MRPS5: variants seen among roughly 807,000 people sequenced by gnomAD.
MRPS5 encodes mitochondrial ribosomal protein S5, also known as small ribosomal subunit protein uS5m.
In MRPS5, 27 loss-of-function variants were observed where a neutral mutation model predicts 51.9. The observed-to-expected ratio is 0.52, with a 90% CI of 0.38 to 0.72. MRPS5 has a LOEUF of 0.72. Among genes scored for constraint, MRPS5 ranks in the 30% least tolerant of loss-of-function variants. The pLI, the probability that MRPS5 is intolerant of heterozygous loss-of-function variation, is 0.00. For missense variants in MRPS5, 570 were observed against 545.7 expected, an observed-to-expected ratio of 1.04 and a Z score of -0.44; for synonymous variants, 196 against 193.2, an observed-to-expected ratio of 1.01 and a Z score of -0.12.
chr2:95,109,936 C>G lies in MRPS5; in HGVS notation c.383G>C (p.Arg128Thr), dbSNP rs1269850315. The G allele has an allele frequency of 2.0e-5, 33 of 1,613,218 alleles. No homozygotes were observed. The highest frequency in any genetic ancestry group is 2.6e-5 in the Non-Finnish European group (31 of 1,179,936). Residue 128 changes from arginine to threonine, a missense_variant, in exon 4 of 12, where the codon AGG (arginine) becomes ACG (threonine). Arg to Thr is a moderately conservative substitution (Grantham distance 71). Transcript: ENST00000272418. ...TTTACCTTCACCAATGATCTGACCC[C>G]TGTTCAGATCCTTTCTTTTCTTCTT... ...TKKKKRKDLN[R>T]GQIIGEGRYG...
At chr2:95,112,285 C>T (rs1461594570) in intron 3 of MRPS5, among the ~76,000 whole-genome samples, 3 of 152,006 alleles carry the variant, frequency 2.0e-5, no homozygotes, top group Non-Finnish European at 2.9e-5. Flanking sequence ...GACTGGTCTC[C>T]AACTCCTGAC....
At chr2:95,120,901 C>A (rs912589684) in intron 1 of MRPS5, among the ~76,000 whole-genome samples, 2 of 152,052 alleles carry the variant, frequency 1.3e-5, no homozygotes, top group East Asian at 3.9e-4. Context: ...GGGTGGATCA[C>A]GAGGTCAGGA....
In MRPS5 at chr2:95,090,526, G is replaced by A. The variant is rs36100346; in HGVS notation, c.932-4C>T. 4 of 1,613,962 alleles carry A rather than the reference G, an allele frequency of 2.5e-6. No homozygotes were observed. The highest frequency in any genetic ancestry group is 3.4e-6 in the Non-Finnish European group (4 of 1,179,916). The stretch of plus-strand genomic sequence containing the variant: ...CTGTGGCAGCGGAGGCCGTAACCTA[G>A]AAAAGGAGAAACCGGGTGAAACACA... On this transcript the variant is annotated splice_polypyrimidine_tract_variant and splice_region_variant and intron_variant, in intron 10 of 11. Coordinates refer to ENST00000272418, the MANE Select transcript of MRPS5 (RefSeq NM_031902.5).
At chr2:95,117,149 A>G (rs1676309080) in intron 2 of MRPS5, among the ~76,000 whole-genome samples, 1 of 151,606 alleles carries the variant, frequency 6.6e-6, no homozygotes, top group East Asian at 1.9e-4. Context: ...TCAAAAAGAA[A>G]AAAAAAAAAA....
chr2:95,111,822 AC>A (rs1303740227), intron 3 of MRPS5, among the ~76,000 whole-genome samples: 5 of 152,184 alleles, frequency 3.3e-5, no homozygotes, highest in African/African-American at 4.8e-5. Context: ...ATTTAATATT[AC>A]ATTGTGAGTC....
chr2:95,109,868 G>A (rs747007349), intron 4 of MRPS5, 48 bp downstream of exon 4: 3 of 1,578,538 alleles, frequency 1.9e-6, no homozygotes, highest in Non-Finnish European at 2.6e-6. Flanking sequence ...TAAAATCTGG[G>A]GTAAGAAACT....
intron 6 of MRPS5, among the ~76,000 whole-genome samples, chr2:95,105,762 A>G (rs1675930918): frequency 2.0e-5 from 3 of 152,216 alleles, no homozygotes; most frequent in Admixed American, 6.5e-5. Context: ...TACCAAAGAC[A>G]TAATATGTGT....
Position 95,090,471 on chromosome 2 carries a change from C to A in MRPS5, c.983G>T (p.Gly328Val). ...RAIITICRLIGIKDMYAKVSG... is the reference protein window; with the variant it reads ...RAIITICRLIVIKDMYAKVSG... ...GACCTTGGCATACATGTCTTTGATGCCAATGAGCCGGCAGATGGTGATGAT... is the reference window on the plus strand; with the variant it reads ...GACCTTGGCATACATGTCTTTGATGACAATGAGCCGGCAGATGGTGATGAT... Residue 328 changes from glycine (G) to valine (V), a missense_variant, in exon 11 of 12, where the codon GGC becomes GTC. By Grantham distance (109) the Gly-to-Val change is moderately radical. Transcript: ENST00000272418. The A allele has an allele frequency of 6.2e-7, 1 of 1,614,128 alleles. No homozygotes were observed.
intron 10 of MRPS5, chr2:95,093,436 C>G (rs1675528737): frequency 6.6e-6 from 1 of 152,302 alleles, no homozygotes; most frequent in Non-Finnish European, 1.5e-5. Flanking sequence ...TGTAGCCTAA[C>G]TGGGAGACAC....
At chr2:95,106,556 G>T in intron 5 of MRPS5, 99 bp from the exon 6 acceptor site, 1 of 1,003,130 alleles carries the variant, frequency 1.0e-6, no homozygotes, top group Non-Finnish European at 1.6e-6. Context: ...CTTTCGGGGA[G>T]AAAGAATCTC....
Position 95,100,506 on chromosome 2 carries a change from C to A in MRPS5, c.899G>T (p.Arg300Met). The A allele has an allele frequency of 6.2e-7, 1 of 1,608,278 alleles. No homozygotes were observed. The highest frequency in any genetic ancestry group is 8.5e-7 in the Non-Finnish European group (1 of 1,175,030). The stretch of plus-strand genomic sequence containing the variant: ...TTGTTTCTTCATCTTGATATGCGTC[C>A]TTTTAAATCTTAATGAAATATCATG... The part of the protein sequence containing the change: ...IFHDISLRFK[R>M]THIKMKKQPK... The change falls in exon 10 of 12, where the codon AGG becomes ATG. Residue 300 changes from arginine (R) to methionine (M), a missense_variant. Physicochemically the swap from Arg to Met is moderately conservative, Grantham distance 91 (BLOSUM62 -1). Transcript: ENST00000272418.
intron 11 of MRPS5, among the ~76,000 whole-genome samples, chr2:95,089,505 A>T (rs1009048118): frequency 6.6e-6 from 1 of 152,182 alleles, no homozygotes; most frequent in Admixed American, 6.5e-5. Context: ...GCTGCCCAAG[A>T]ATGGGGGCCC....
At position 95,121,749 on chromosome 2, in the gene MRPS5, A is replaced by G. The variant is rs1185064487; in HGVS notation, c.43T>C (p.Cys15Arg). ...CAGCTCTCACCTGCCGTCCCGCTAC[A>G]CAGCACGGGGAGGCAGCCCACAGCG... ...VRAVGCLPVL[C>R]SGTAGHLLGR... Residue 15 changes from cysteine to arginine, a missense_variant, in exon 1 of 12, where the codon TGT becomes CGT. Transcript: ENST00000272418. 8.4e-6 allele frequency: 13 copies of G among 1,553,004 alleles called. No individual in the cohort carries two copies. Among genetic ancestry groups the G allele is most frequent in the Middle Eastern group, 1.9e-4 (1 of 5,280 alleles).
chr2:95,094,307 T>C (rs1163837637), intron 10 of MRPS5, among the ~76,000 whole-genome samples: 1 of 152,130 alleles, frequency 6.6e-6, no homozygotes, highest in Admixed American at 6.5e-5. Flanking sequence ...TCGAAAACAC[T>C]CTTCAGGATA....
At chr2:95,121,993 C>G (rs1410203940), upstream of MRPS5, 1 of 553,282 alleles carries the variant, frequency 1.8e-6, no homozygotes, top group Admixed American at 4.4e-5. Flanking sequence ...CGGACAGCCC[C>G]GCGGGCGCCT....
In MRPS5 at chr2:95,115,162, C is replaced by T. The variant is rs186030997; in HGVS notation, c.181G>A (p.Ala61Thr). The change falls in exon 3 of 12, where the codon GCC (alanine) becomes ACC (threonine). Residue 61 changes from alanine (A) to threonine (T), a missense_variant. By Grantham distance (58) the Ala-to-Thr change is moderately conservative. Transcript: ENST00000272418. The stretch of plus-strand genomic sequence containing the variant: ...GTCTGCAGTGCACGGCTCAAGCTGG[C>T]GTAGGGATGGGTGTCTCTGGTTCCC... ...SLGTRDTHPY[A>T]SLSRALQTQC... 6 of 1,609,930 alleles carry T rather than the reference C, an allele frequency of 3.7e-6. No homozygotes were observed. The highest frequency in any genetic ancestry group is 4.5e-5 in the East Asian group (2 of 44,806).
chr2:95,098,629 C>A (rs916930345), intron 10 of MRPS5, among the ~76,000 whole-genome samples: 2 of 152,004 alleles, frequency 1.3e-5, no homozygotes, highest in Admixed American at 1.3e-4. Context: ...TAGGTGGGAA[C>A]TGAACAATGA....
chr2:95,093,462 G>C (rs963303220), intron 10 of MRPS5: 1 of 152,210 alleles, frequency 6.6e-6, no homozygotes, highest in African/African-American at 2.4e-5. Flanking sequence ...ACTAGGGACC[G>C]ACCGACACCT....
intron 3 of MRPS5, among the ~76,000 whole-genome samples, chr2:95,113,148 A>G (rs1676175808): frequency 6.6e-6 from 1 of 152,086 alleles, no homozygotes; most frequent in South Asian, 2.1e-4. Context: ...CCTCTAGAAC[A>G]AGGCTTTTTA....
Sources: gnomAD v4.1 joint callset for allele counts (sites outside exome capture counted in the v4.1 genomes callset) on GRCh38, gnomAD v4.1.1 for gene constraint, MANE v1.5 for transcripts, NCBI Gene and HGNC (gene_info 2026-07-23, HGNC 2026-07-21) for gene names.